The following MAST4 variants were observed in gnomAD, a reference collection of about 807,000 sequenced individuals.
The protein encoded by MAST4 is microtubule-associated serine/threonine-protein kinase 4.
In MAST4, 89 loss-of-function variants were observed where a neutral mutation model predicts 162.7. That is an observed-to-expected ratio of 0.55 (90% CI 0.46 to 0.65). The LOEUF (loss-of-function observed/expected upper bound fraction) is 0.65. MAST4 is among the 30% of genes least tolerant of loss of function. The pLI, the probability that MAST4 is intolerant of heterozygous loss-of-function variation, is 0.00. For missense variants in MAST4, 3,153 were observed against 3,374.0 expected (o/e 0.93, Z 1.62); for synonymous variants, 1,479 against 1,361.1 (o/e 1.09, Z -1.91).
chr5:67,001,147 A>C (rs1217160815), intron 4 of MAST4, among the ~76,000 whole-genome samples: 2 of 152,222 alleles, frequency 1.3e-5, no homozygotes, highest in African/African-American at 2.4e-5. Context: ...GTTTTACTGC[A>C]GTCGCAACTA....
chr5:67,100,894 T>C (rs1764949824), intron 8 of MAST4, among the ~76,000 whole-genome samples: 1 of 152,190 alleles, frequency 6.6e-6, no homozygotes, highest in Non-Finnish European at 1.5e-5. Context: ...GCAGTTAATG[T>C]TGTTATGTTA....
chr5:66,638,679 A>G (rs903671228), intron 1 of MAST4, among the ~76,000 whole-genome samples: 23 of 152,344 alleles, frequency 1.5e-4, no homozygotes, highest in African/African-American at 4.8e-4. Context: ...AAGCAAAGGT[A>G]TCACTCTCCC....
At chr5:66,803,824 C>T (rs1470446309) in intron 3 of MAST4, among the ~76,000 whole-genome samples, 5 of 151,966 alleles carry the variant, frequency 3.3e-5, no homozygotes, top group African/African-American at 1.2e-4. Context: ...CTTATTTTCA[C>T]TAATTAGGAC....
intron 1 of MAST4, among the ~76,000 whole-genome samples, chr5:66,666,159 G>C (rs549481309): frequency 6.6e-6 from 1 of 152,278 alleles, no homozygotes; most frequent in Non-Finnish European, 1.5e-5. Context: ...AAGAATCTTT[G>C]TATTAGTCTT....
chr5:67,019,886 C>T (rs1276535670), intron 4 of MAST4, among the ~76,000 whole-genome samples: 1 of 152,090 alleles, frequency 6.6e-6, no homozygotes, highest in Non-Finnish European at 1.5e-5. Context: ...GTTGAACCCC[C>T]TCATTATAAG....
At chr5:67,102,928 G>T (rs1046361622) in intron 9 of MAST4, among the ~76,000 whole-genome samples, 3 of 152,154 alleles carry the variant, frequency 2.0e-5, no homozygotes, top group Non-Finnish European at 2.9e-5. Context: ...TGTGCACTCT[G>T]TACCCATATT....
intron 2 of MAST4, among the ~76,000 whole-genome samples, chr5:66,769,984 C>G: frequency 6.6e-6 from 1 of 152,316 alleles, no homozygotes; most frequent in East Asian, 1.9e-4. Context: ...TATAAAATTG[C>G]TATGCTGAAG....
rs576336482 is a variant in MAST4 at position 66,601,160 on chromosome 5, A to C, written c.363+4142A>C. Among the ~76,000 whole-genome samples, 3 of 152,366 alleles carry C rather than the reference A, an allele frequency of 2.0e-5. No homozygotes were observed. The East Asian group carries it at 5.8e-4, about 29-fold the overall frequency. ...GTTAAGACATTAATAGCAAAAAGCA[A>C]GCAAGAATTCAGCAAAGCTTTTCAT... On this transcript the variant is annotated intron_variant, in intron 1 of 28. Transcript: ENST00000403625.
chr5:66,932,945 G>A (rs758461488), intron 4 of MAST4, among the ~76,000 whole-genome samples: 2 of 151,934 alleles, frequency 1.3e-5, no homozygotes, highest in African/African-American at 4.8e-5. Flanking sequence ...TGGTTCTTTG[G>A]CATCTAGTAA....
Position 66,980,912 on chromosome 5 carries a change from C to A in MAST4, c.675-73492C>A, listed in dbSNP as rs545349674. Among the ~76,000 whole-genome samples the A allele has an allele frequency of 4.6e-5, 7 of 152,266 alleles. No individual in the cohort carries two copies. The South Asian group carries it at 1.5e-3, about 32-fold the overall frequency. ...CTGACGTTGGCAAAGAGCCTGAGGA[C>A]TGGCAGTAACAAGTCACCCCCTCTT... On this transcript the variant is annotated intron_variant, in intron 4 of 28. Transcript: ENST00000403625.
At chr5:66,828,074 C>T (rs1022171573) in intron 3 of MAST4, among the ~76,000 whole-genome samples, 10 of 152,124 alleles carry the variant, frequency 6.6e-5, no homozygotes, top group Admixed American at 2.0e-4. Flanking sequence ...CTCTTAGAAT[C>T]CCCTCCACCC....
Position 66,750,384 on chromosome 5 carries a change from C to A in MAST4, c.364-9325C>A, listed in dbSNP as rs183058456. On this transcript the variant is annotated intron_variant, in intron 1 of 28. Coordinates refer to ENST00000403625, the MANE Select transcript of MAST4 (RefSeq NM_001164664.2). Reference sequence around the variant, plus strand: ...GATTTCTGCATTTCCATCTGAGGTACCGGGTTCATCTCACTAGGGAGTGCC... The same window carrying A: ...GATTTCTGCATTTCCATCTGAGGTAACGGGTTCATCTCACTAGGGAGTGCC... Among the ~76,000 whole-genome samples, 16 of 152,332 alleles carry A rather than the reference C, an allele frequency of 1.1e-4. No homozygotes were observed. In the East Asian group the frequency reaches 3.1e-3, roughly 29 times the overall value.
At chr5:66,895,577 C>G (rs1580796351) in intron 3 of MAST4, among the ~76,000 whole-genome samples, 1 of 152,164 alleles carries the variant, frequency 6.6e-6, no homozygotes, top group East Asian at 1.9e-4. Context: ...TCCTTGCTTT[C>G]TCTTTCACGC....
intron 1 of MAST4, among the ~76,000 whole-genome samples, chr5:66,605,383 C>T (rs180755430): frequency 3.9e-5 from 6 of 152,274 alleles, no homozygotes; most frequent in African/African-American, 7.2e-5. Flanking sequence ...TTGACTTTCC[C>T]GTCCTCATGG....
At chr5:66,608,805 AGCGGGGG>A (rs1266172120) in intron 1 of MAST4, among the ~76,000 whole-genome samples, 3 of 18,136 alleles carry the variant, frequency 1.7e-4, no homozygotes, top group Admixed American at 8.8e-4. Context: ...AGCAGGGGAA[AGCGGGGG>A]GCGGGGGGGA....
chr5:66,923,132 T>C (rs762042679), intron 4 of MAST4, among the ~76,000 whole-genome samples: 1 of 152,238 alleles, frequency 6.6e-6, no homozygotes, highest in African/African-American at 2.4e-5. Flanking sequence ...ACCAGAATCC[T>C]GTGAGCTCAA....
At chr5:67,109,780 C>T (rs1270243440) in intron 10 of MAST4, among the ~76,000 whole-genome samples, 7 of 152,074 alleles carry the variant, frequency 4.6e-5, no homozygotes, top group South Asian at 4.1e-4. Context: ...CTACTTGTAC[C>T]GTGTGCTTAA....
At chr5:66,843,429 T>A (rs1466533647) in intron 3 of MAST4, among the ~76,000 whole-genome samples, 1 of 152,216 alleles carries the variant, frequency 6.6e-6, no homozygotes, top group Admixed American at 6.5e-5. Context: ...GAATCCTTTT[T>A]TTCTCTGAGC....
intron 4 of MAST4, among the ~76,000 whole-genome samples, chr5:67,032,555 C>T (rs917119875): frequency 4.6e-5 from 7 of 152,030 alleles, no homozygotes; most frequent in Non-Finnish European, 8.8e-5. Context: ...CGGTTTTAAA[C>T]GCCATTTTTA....
Sources: allele counts gnomAD v4.1 joint callset (sites outside exome capture counted in the v4.1 genomes callset), GRCh38; gene constraint gnomAD v4.1.1; transcripts MANE v1.5; gene names NCBI Gene and HGNC (gene_info 2026-07-23, HGNC 2026-07-21).